The following FHIT variants were observed in gnomAD, a reference collection of about 807,000 sequenced individuals.
The protein encoded by FHIT is bis(5'-adenosyl)-triphosphatase.
FHIT carries 19 observed loss-of-function variants against 17.9 expected under a neutral mutation model. The ratio of observed to expected loss-of-function variants is 1.06; its 90% CI spans 0.74 to 1.56. The LOEUF is 1.56. FHIT is among the 40% of genes most tolerant of loss of function. FHIT has a pLI of 0.00. For synonymous variants in FHIT, 81 were observed against 69.7 expected (o/e 1.16, Z -0.81); for missense variants, 248 against 189.2 (o/e 1.31, Z -1.82).
At chr3:60,120,844 G>C (rs57536487) in intron 5 of FHIT, among the ~76,000 whole-genome samples, 11,126 of 112,808 alleles carry the variant, frequency 0.099, 1,135 homozygotes, top group East Asian at 0.48. Flanking sequence ...TCAGCTAAGT[G>C]ATTTTTTTTT....
chr3:59,849,441 A>G (rs1446309775), intron 8 of FHIT, among the ~76,000 whole-genome samples: 1 of 152,190 alleles, frequency 6.6e-6, no homozygotes, highest in Non-Finnish European at 1.5e-5. Flanking sequence ...TGCATGCGAT[A>G]TGAGTTGTGT....
intron 8 of FHIT, among the ~76,000 whole-genome samples, chr3:59,762,503 C>CACAA (rs1701573454): frequency 1.3e-5 from 2 of 152,028 alleles, no homozygotes; most frequent in African/African-American, 2.4e-5. Flanking sequence ...GGATGAGACA[C>CACAA]ACAAACACTG....
intron 1 of FHIT, among the ~76,000 whole-genome samples, chr3:61,203,746 T>C: frequency 6.6e-6 from 1 of 152,192 alleles, no homozygotes; most frequent in East Asian, 1.9e-4. Flanking sequence ...GGTAATAAAT[T>C]GTTTACAAGG....
chr3:60,252,804 C>G (rs1476183195), intron 5 of FHIT, among the ~76,000 whole-genome samples: 1 of 151,008 alleles, frequency 6.6e-6, no homozygotes, highest in African/African-American at 2.4e-5. Flanking sequence ...TCCTGGCTAA[C>G]AAGGCGAAAC....
intron 5 of FHIT, among the ~76,000 whole-genome samples, chr3:60,464,054 A>C (rs956747371): frequency 6.6e-6 from 1 of 152,168 alleles, no homozygotes; most frequent in African/African-American, 2.4e-5. Flanking sequence ...ATAACATCCT[A>C]ATATGCCTTG....
chr3:60,107,643 C>A (rs1279019931), intron 5 of FHIT, among the ~76,000 whole-genome samples: 1 of 152,178 alleles, frequency 6.6e-6, no homozygotes, highest in African/African-American at 2.4e-5. Context: ...CTACTTCCAA[C>A]TGGACAGGCT....
chr3:60,525,696 C>T (rs546169665), intron 5 of FHIT, among the ~76,000 whole-genome samples: 1 of 152,264 alleles, frequency 6.6e-6, no homozygotes, highest in South Asian at 2.1e-4. Flanking sequence ...CTATCAAGCA[C>T]AGACTTGAGA....
At chr3:61,025,023 T>A (rs1247976514) in intron 3 of FHIT, among the ~76,000 whole-genome samples, 2 of 132,252 alleles carry the variant, frequency 1.5e-5, no homozygotes, top group Non-Finnish European at 3.3e-5. Context: ...TTTTTCACCT[T>A]CTCTCCACTC....
chr3:60,187,682 G>T (rs1292000826), intron 5 of FHIT, among the ~76,000 whole-genome samples: 5 of 152,128 alleles, frequency 3.3e-5, no homozygotes, highest in Admixed American at 6.5e-5. Context: ...CAGATTTATT[G>T]TCCTATTTCA....
At chr3:59,900,219 G>C (rs1485833723) in intron 8 of FHIT, among the ~76,000 whole-genome samples, 2 of 152,152 alleles carry the variant, frequency 1.3e-5, no homozygotes, top group Non-Finnish European at 2.9e-5. Flanking sequence ...AGACTTTCTT[G>C]GTGGCTCCAG....
At chr3:60,304,418 T>G (rs1017867593) in intron 5 of FHIT, among the ~76,000 whole-genome samples, 4 of 151,940 alleles carry the variant, frequency 2.6e-5, no homozygotes, top group Non-Finnish European at 5.9e-5. Flanking sequence ...TACTTTCACA[T>G]TGCTTACTAG....
intron 8 of FHIT, among the ~76,000 whole-genome samples, chr3:59,810,166 C>T (rs1700357798): frequency 6.6e-6 from 1 of 151,990 alleles, no homozygotes; most frequent in South Asian, 2.1e-4. Context: ...TACTGGTGGT[C>T]CCTGAAAGCC....
At chr3:60,948,066 C>G (rs557831400) in intron 3 of FHIT, among the ~76,000 whole-genome samples, 1 of 152,262 alleles carries the variant, frequency 6.6e-6, no homozygotes, top group African/African-American at 2.4e-5. Context: ...TATAATTGCT[C>G]AGATTCCCTA....
intron 5 of FHIT, among the ~76,000 whole-genome samples, chr3:60,406,932 G>A (rs937906680): frequency 2.6e-5 from 4 of 152,150 alleles, no homozygotes; most frequent in East Asian, 3.9e-4. Context: ...TCTTTAAATC[G>A]TGGTGTCCTT....
intron 4 of FHIT, among the ~76,000 whole-genome samples, chr3:60,711,168 C>A (rs369850985): frequency 1.3e-5 from 2 of 152,298 alleles, no homozygotes; most frequent in East Asian, 3.9e-4. Flanking sequence ...CAAACAGGGT[C>A]TGGAGTGGAC....
intron 8 of FHIT, among the ~76,000 whole-genome samples, chr3:59,772,875 T>C (rs1482139413): frequency 6.6e-6 from 1 of 152,180 alleles, no homozygotes; most frequent in Non-Finnish European, 1.5e-5. Flanking sequence ...AGCAGCCTCA[T>C]GTAGGAAGTG....
At chr3:60,883,807 G>T (rs1705081958) in intron 3 of FHIT, among the ~76,000 whole-genome samples, 1 of 152,076 alleles carries the variant, frequency 6.6e-6, no homozygotes, top group African/African-American at 2.4e-5. Flanking sequence ...TCTGGGCAAA[G>T]ATTTTTTGGA....
chr3:60,871,894 C>T (rs948620692), intron 3 of FHIT, among the ~76,000 whole-genome samples: 8 of 151,978 alleles, frequency 5.3e-5, no homozygotes, highest in East Asian at 1.9e-4. Context: ...AACTTCTGGA[C>T]TCAAATGATC....
At chr3:60,540,652 T>C (rs1465576129) in intron 4 of FHIT, among the ~76,000 whole-genome samples, 1 of 152,192 alleles carries the variant, frequency 6.6e-6, no homozygotes, top group African/African-American at 2.4e-5. Flanking sequence ...AAAAACATGT[T>C]GAGTGTATTT....
Sources: allele counts gnomAD v4.1 joint callset (sites outside exome capture counted in the v4.1 genomes callset), GRCh38; gene constraint gnomAD v4.1.1; transcripts MANE v1.5; gene names NCBI Gene and HGNC (gene_info 2026-07-23, HGNC 2026-07-21).